RSPO2: variants seen among roughly 807,000 people sequenced by gnomAD.
The protein encoded by RSPO2 is R-spondin 2.
A neutral mutation model predicts 30.9 loss-of-function variants in RSPO2; 14 were observed. The ratio of observed to expected loss-of-function variants is 0.45; its 90% confidence interval spans 0.30 to 0.71. RSPO2 has a LOEUF of 0.71. Among genes scored for constraint, RSPO2 ranks in the 30% least tolerant of loss-of-function variants. The pLI is 0.08. For missense variants in RSPO2, 264 were observed against 301.9 expected (o/e 0.87, Z 0.93); for synonymous variants, 107 against 96.4 (o/e 1.11, Z -0.64).
chr8:107,907,220 A>G (rs1037131016), intron 5 of RSPO2, among the ~76,000 whole-genome samples: 1 of 151,968 alleles, frequency 6.6e-6, no homozygotes, highest in African/African-American at 2.4e-5. Flanking sequence ...AAATGAATCA[A>G]TTGTGGCTCT....
chr8:107,919,264 T>C (rs1467679521), intron 5 of RSPO2, among the ~76,000 whole-genome samples: 4 of 152,118 alleles, frequency 2.6e-5, no homozygotes, highest in Non-Finnish European at 5.9e-5. Flanking sequence ...AAAGGAGGGA[T>C]TGAAACTACC....
intron 2 of RSPO2, among the ~76,000 whole-genome samples, chr8:108,008,787 C>CA (rs71308768): frequency 0.054 from 6,732 of 123,610 alleles, 171 homozygotes; most frequent in South Asian, 0.094. Flanking sequence ...TCATAAACTG[C>CA]AAAAAAAAAA....
chr8:107,996,167 C>G (rs1265150130), intron 2 of RSPO2, among the ~76,000 whole-genome samples: 1 of 152,102 alleles, frequency 6.6e-6, no homozygotes, highest in Non-Finnish European at 1.5e-5. Flanking sequence ...GGAATACTGA[C>G]AGGCTGTGTG....
intron 2 of RSPO2, among the ~76,000 whole-genome samples, chr8:108,023,889 ACAG>A (rs1811125310): frequency 1.3e-5 from 2 of 152,314 alleles, no homozygotes; most frequent in Middle Eastern, 6.8e-3. Flanking sequence ...TGTCTCAATT[ACAG>A]CTATAAAACC....
intron 2 of RSPO2, among the ~76,000 whole-genome samples, chr8:107,991,124 A>G (rs576233017): frequency 6.6e-6 from 1 of 151,400 alleles, no homozygotes; most frequent in East Asian, 1.9e-4. Context: ...GCGAATGCCT[A>G]TAATCCCAGC....
chr8:108,035,428 GTTC>G lies in RSPO2; in HGVS notation c.95-46187_95-46185del, dbSNP rs537717763. ...TATAGTGACTGTTGATTCCTCACCA[GTTC>G]TTTTTTTTGTTTTGTTTTTTTGTTT... On this transcript the variant is annotated intron_variant, in intron 2 of 5. Coordinates refer to ENST00000276659, the MANE Select transcript of RSPO2 (RefSeq NM_178565.5). Among the ~76,000 whole-genome samples the G allele has an allele frequency of 3.5e-4, 53 of 152,186 alleles. 1 individual carries two copies. Among genetic ancestry groups the G allele is most frequent in the South Asian group, 2.3e-3 (11 of 4,824 alleles).
At chr8:108,045,491 GAC>G (rs1194395396) in intron 2 of RSPO2, among the ~76,000 whole-genome samples, 1 of 152,106 alleles carries the variant, frequency 6.6e-6, no homozygotes, top group African/African-American at 2.4e-5. Context: ...CCATGTATTA[GAC>G]ACTTGGGCTC....
intron 2 of RSPO2, among the ~76,000 whole-genome samples, chr8:108,037,899 C>A (rs991165118): frequency 6.6e-6 from 1 of 152,224 alleles, no homozygotes; most frequent in Non-Finnish European, 1.5e-5. Context: ...GCACCTGGGT[C>A]AACCAAGAGC....
In RSPO2 at chr8:107,951,053, G is replaced by GTTTTTTT. The variant is rs1186012158; in HGVS notation, c.616+7026_616+7027insAAAAAAA. On this transcript the variant is annotated intron_variant, in intron 5 of 5. Transcript: ENST00000276659. ...CGATAGGGAGAATAAGTTTTTTTTT[G>GTTTTTTT]TTGTTGTTGTTGTTGTTGTTGTTGT... Among the ~76,000 whole-genome samples, 4 of 92,488 alleles carry GTTTTTTT rather than the reference G, an allele frequency of 4.3e-5. No homozygotes were observed. In the South Asian group the frequency reaches 1.2e-3, roughly 28 times the overall value. 60.7% of individuals were successfully genotyped at this position (92,488 alleles called of 152,430 possible).
intron 5 of RSPO2, among the ~76,000 whole-genome samples, chr8:107,925,391 TTA>T (rs1586548368): frequency 3.3e-5 from 5 of 151,090 alleles, no homozygotes; most frequent in Admixed American, 2.6e-4. Context: ...TTTTTTTCTT[TTA>T]TATATATATT....
intron 5 of RSPO2, among the ~76,000 whole-genome samples, chr8:107,903,842 A>G (rs1811552851): frequency 6.6e-6 from 1 of 152,060 alleles, no homozygotes; most frequent in Non-Finnish European, 1.5e-5. Flanking sequence ...CGAGGAATTA[A>G]GATGGTTAGC....
Position 107,899,386 on chromosome 8 carries a change from AG to A in RSPO2, c.*1688del, listed in dbSNP as rs1811369189. 6.6e-6 allele frequency: 1 copy of A among 152,624 alleles called. No individual in the cohort carries two copies. The highest frequency in any genetic ancestry group is 1.5e-5 in the Non-Finnish European group (1 of 68,032). The allele number at this position is 152,624 out of a possible 1,614,324, so 9.5% of individuals were successfully genotyped here. ...ACAGGTATTGACTTATTAACGATGA[AG>A]CACTATATAAGGAGACCCCCTCCCC... On this transcript the variant is annotated 3_prime_UTR_variant, in exon 6 of 6. Transcript: ENST00000276659.
chr8:108,001,782 C>T (rs1174255704), intron 2 of RSPO2, among the ~76,000 whole-genome samples: 3 of 152,042 alleles, frequency 2.0e-5, no homozygotes, highest in Non-Finnish European at 4.4e-5. Context: ...TAAATTTCTT[C>T]CAACACCAAA....
chr8:107,943,781 T>A (rs1201314746), intron 5 of RSPO2, among the ~76,000 whole-genome samples: 1 of 152,166 alleles, frequency 6.6e-6, no homozygotes, highest in African/African-American at 2.4e-5. Flanking sequence ...GAGGCCAAAA[T>A]TACTTTAAAT....
chr8:107,952,570 G>A (rs1813289418), intron 5 of RSPO2, among the ~76,000 whole-genome samples: 1 of 152,066 alleles, frequency 6.6e-6, no homozygotes, highest in African/African-American at 2.4e-5. Flanking sequence ...CTACTCTTTA[G>A]GGTGACATGT....
intron 2 of RSPO2, among the ~76,000 whole-genome samples, chr8:108,065,385 G>A (rs1192161655): frequency 3.3e-5 from 5 of 151,286 alleles, no homozygotes; most frequent in Admixed American, 6.6e-5. Context: ...AGAGTTTTAC[G>A]AGCCACGTAT....
chr8:108,001,971 T>G (rs957449521), intron 2 of RSPO2, among the ~76,000 whole-genome samples: 1 of 152,114 alleles, frequency 6.6e-6, no homozygotes, highest in Non-Finnish European at 1.5e-5. Context: ...GATTGATGGG[T>G]GCAGCAAACC....
intron 2 of RSPO2, among the ~76,000 whole-genome samples, chr8:108,045,266 G>T (rs1275065640): frequency 6.6e-6 from 1 of 151,958 alleles, no homozygotes; most frequent in African/African-American, 2.4e-5. Flanking sequence ...AATGGGCAAA[G>T]GATATGAACA....
rs138188740 is a variant in RSPO2 at position 107,966,042 on chromosome 8, C to T, written c.284-5225G>A. On this transcript the variant is annotated intron_variant, in intron 3 of 5. Transcript: ENST00000276659. ...TAGAGAAAATCCATATGGCAAGTGA[C>T]GGGTCCAGTGAGGAGTGGCTTGGAG... Among the ~76,000 whole-genome samples, 12 of 152,156 alleles carry T rather than the reference C, an allele frequency of 7.9e-5. 1 individual carries two copies. The highest frequency in any genetic ancestry group is 3.9e-4 in the Admixed American group (6 of 15,280).
Sources: gnomAD v4.1 joint callset for allele counts (sites outside exome capture counted in the v4.1 genomes callset) on GRCh38, gnomAD v4.1.1 for gene constraint, MANE v1.5 for transcripts, NCBI Gene and HGNC (gene_info 2026-07-23, HGNC 2026-07-21) for gene names.